The following PTPRR variants were observed in gnomAD, a reference collection of about 807,000 sequenced individuals.
PTPRR encodes receptor-type tyrosine-protein phosphatase R.
Under a neutral mutation model 77.2 loss-of-function variants are expected in PTPRR, and 38 were observed. That is an observed-to-expected ratio of 0.49 (90% confidence interval 0.38 to 0.65). The LOEUF is 0.65. Among genes scored for constraint, PTPRR ranks in the 30% least tolerant of loss-of-function variants. The pLI is 0.00. For missense variants in PTPRR, 744 were observed against 799.2 expected (o/e 0.93, Z 0.83); for synonymous variants, 299 against 283.1 (o/e 1.06, Z -0.57).
chr12:70,877,539 G>C (rs1893071699), intron 2 of PTPRR, among the ~76,000 whole-genome samples: 1 of 152,060 alleles, frequency 6.6e-6, no homozygotes, highest in African/African-American at 2.4e-5. Flanking sequence ...AAAATACCTA[G>C]GAATCCAACT....
intron 6 of PTPRR, among the ~76,000 whole-genome samples, chr12:70,729,039 T>C (rs1449103985): frequency 6.6e-6 from 1 of 152,174 alleles, no homozygotes; most frequent in Non-Finnish European, 1.5e-5. Flanking sequence ...TCAGAGGCTC[T>C]GCAACAGCTG....
At chr12:70,802,624 T>C (rs1891637390) in intron 2 of PTPRR, among the ~76,000 whole-genome samples, 1 of 152,218 alleles carries the variant, frequency 6.6e-6, no homozygotes, top group South Asian at 2.1e-4. Flanking sequence ...AATTTACAAA[T>C]GCATTTAACG....
chr12:70,773,702 A>G (rs1891030942), intron 2 of PTPRR, among the ~76,000 whole-genome samples: 1 of 152,200 alleles, frequency 6.6e-6, no homozygotes, highest in Admixed American at 6.5e-5. Context: ...AGCAATTCCT[A>G]CTAGACCTGA....
chr12:70,834,134 AG>A (rs1349710362), intron 2 of PTPRR, among the ~76,000 whole-genome samples: 3 of 152,194 alleles, frequency 2.0e-5, no homozygotes, highest in South Asian at 2.1e-4. Context: ...TGGGACACAT[AG>A]TACCTTTAGA....
Position 70,746,100 on chromosome 12 carries a change from T to A in PTPRR, c.739-14A>T, listed in dbSNP as rs1481324673. ...TCTGTAAAGAATCTATAGAAGGAGA[T>A]ATAAAAAACTCCTGTCACATTTTCT... On this transcript the variant is annotated splice_polypyrimidine_tract_variant and intron_variant, in intron 5 of 13. Transcript: ENST00000283228. 6.3e-7 allele frequency: 1 copy of A among 1,599,378 alleles called. No individual in the cohort carries two copies. Among genetic ancestry groups the A allele is most frequent in the South Asian group, 1.1e-5 (1 of 89,396 alleles).
chr12:70,877,634 G>A (rs1302512057), intron 2 of PTPRR, among the ~76,000 whole-genome samples: 8 of 152,086 alleles, frequency 5.3e-5, no homozygotes, highest in East Asian at 1.9e-4. Context: ...CCATGCTCAC[G>A]GGTAGGAAGA....
intron 1 of PTPRR, among the ~76,000 whole-genome samples, chr12:70,912,904 C>CT (rs1893720629): frequency 6.6e-6 from 1 of 152,066 alleles, no homozygotes; most frequent in Non-Finnish European, 1.5e-5. Context: ...CAATGCTACT[C>CT]TAAGTGTGTC....
chr12:70,778,560 G>A (rs968790384), intron 2 of PTPRR, among the ~76,000 whole-genome samples: 2 of 152,078 alleles, frequency 1.3e-5, no homozygotes, highest in African/African-American at 4.8e-5. Flanking sequence ...ATTATTTTAT[G>A]TGCTTATTTT....
chr12:70,824,796 A>T (rs1346456403), intron 2 of PTPRR, among the ~76,000 whole-genome samples: 1 of 152,116 alleles, frequency 6.6e-6, no homozygotes, highest in Non-Finnish European at 1.5e-5. Context: ...AAAAATCACC[A>T]TTCCTTCGGG....
chr12:70,806,502 G>C (rs1311220097), intron 2 of PTPRR, among the ~76,000 whole-genome samples: 1 of 152,188 alleles, frequency 6.6e-6, no homozygotes, highest in African/African-American at 2.4e-5. Context: ...GATTTTGTAA[G>C]TTCTGGGAAA....
intron 1 of PTPRR, among the ~76,000 whole-genome samples, chr12:70,907,948 G>A (rs558640548): frequency 2.6e-5 from 4 of 152,164 alleles, no homozygotes; most frequent in Non-Finnish European, 5.9e-5. Flanking sequence ...AATCACAGGA[G>A]TTCAGTTCTG....
intron 2 of PTPRR, among the ~76,000 whole-genome samples, chr12:70,887,501 G>C (rs1445019761): frequency 6.6e-6 from 1 of 151,996 alleles, no homozygotes; most frequent in Non-Finnish European, 1.5e-5. Flanking sequence ...ATTTACTGCA[G>C]GTTGAAGTAA....
intron 2 of PTPRR, among the ~76,000 whole-genome samples, chr12:70,871,077 C>T (rs1422048987): frequency 3.9e-5 from 6 of 152,110 alleles, no homozygotes; most frequent in African/African-American, 1.2e-4. Context: ...CAATGAGTAA[C>T]GGAGAGGGAT....
At chr12:70,827,495 G>T (rs1366852667) in intron 2 of PTPRR, among the ~76,000 whole-genome samples, 2 of 151,902 alleles carry the variant, frequency 1.3e-5, no homozygotes, top group African/African-American at 4.8e-5. Flanking sequence ...CACAGTGGAG[G>T]GGGTAAGGGA....
intron 6 of PTPRR, among the ~76,000 whole-genome samples, chr12:70,711,106 G>A (rs541083693): frequency 3.9e-5 from 6 of 152,132 alleles, no homozygotes; most frequent in South Asian, 4.1e-4. Flanking sequence ...TCATTGCAGC[G>A]CTATTCACAA....
chr12:70,849,951 T>C (rs1408568620), intron 2 of PTPRR, among the ~76,000 whole-genome samples: 1 of 152,216 alleles, frequency 6.6e-6, no homozygotes, highest in Non-Finnish European at 1.5e-5. Context: ...AAACTATAAA[T>C]GCAATTGTTT....
chr12:70,857,345 G>A (rs749602357), intron 2 of PTPRR, among the ~76,000 whole-genome samples: 2 of 152,052 alleles, frequency 1.3e-5, no homozygotes, highest in East Asian at 1.9e-4. Flanking sequence ...CACAAGAAGC[G>A]AACATTTAAC....
intron 2 of PTPRR, among the ~76,000 whole-genome samples, chr12:70,840,181 G>A (rs1257457906): frequency 6.6e-6 from 1 of 152,106 alleles, no homozygotes; most frequent in Non-Finnish European, 1.5e-5. Context: ...CCTTTCTGGA[G>A]GTTCTGGAGG....
intron 10 of PTPRR, among the ~76,000 whole-genome samples, chr12:70,671,639 G>C (rs573503240): frequency 7.2e-5 from 11 of 152,328 alleles, no homozygotes; most frequent in African/African-American, 2.6e-4. Context: ...TGAAATCTGA[G>C]AATGGTAACA....
Sources: gnomAD v4.1 joint callset for allele counts (sites outside exome capture counted in the v4.1 genomes callset) on GRCh38, gnomAD v4.1.1 for gene constraint, MANE v1.5 for transcripts, NCBI Gene and HGNC (gene_info 2026-07-23, HGNC 2026-07-21) for gene names.